Variants in RGS2 observed in about 807,000 individuals in gnomAD.
RGS2 encodes G0 to G1 switch regulatory 8, 24kD.
In RGS2, 20 loss-of-function variants were observed where a neutral mutation model predicts 26.6. The ratio of observed to expected loss-of-function variants is 0.75; its 90% CI spans 0.53 to 1.09. The LOEUF (loss-of-function observed/expected upper bound fraction) is 1.09, where lower values mean the gene tolerates loss of function less well. RGS2 is among the 50% of genes least tolerant of loss of function. RGS2 has a pLI of 0.00. For synonymous variants in RGS2, 97 were observed against 79.9 expected (o/e 1.21, Z -1.14); for missense variants, 246 against 245.5 (o/e 1.00, Z -0.01).
chr1:192,811,228 G>A lies in RGS2; in HGVS notation c.441+81G>A, dbSNP rs111983702. On this transcript the variant is annotated intron_variant, in intron 4 of 4. Transcript: ENST00000235382. ...GAAACAAAGTAATCAAGGACAAAGC[G>A]GGCTAGGAGGGGTAAAAAGTCCCTC... 6 of 1,519,858 alleles carry A rather than the reference G, an allele frequency of 3.9e-6. No individual in the cohort carries two copies. In the African/African-American group the frequency reaches 4.1e-5, roughly 10 times the overall value. 94.1% of individuals were successfully genotyped at this position (1,519,858 alleles called of 1,614,324 possible).
chr1:192,811,676 GACCTTGAATTC>G lies in RGS2; in HGVS notation c.*82_*92del, dbSNP rs1665595260. On this transcript the variant is annotated 3_prime_UTR_variant, in exon 5 of 5. Coordinates refer to ENST00000235382, the MANE Select transcript of RGS2 (RefSeq NM_002923.4). ...AGGACTGTGACCTGCCATAAAGACT[GACCTTGAATTC>G]AGCCTGGGTGTTCAGGAAACATCAC... 7.4e-7 allele frequency: 1 copy of G among 1,346,324 alleles called. No homozygotes were observed. The highest frequency in any genetic ancestry group is 1.4e-5 in the African/African-American group (1 of 69,464). The allele number at this position is 1,346,324 out of a possible 1,614,324, so 83.4% of individuals were successfully genotyped here.
In RGS2 at chr1:192,811,949, G is replaced by A. The variant is rs187487338; in HGVS notation, c.*353G>A. The A allele has an allele frequency of 1.2e-4, 38 of 328,792 alleles. 1 individual carries two copies. The East Asian group carries it at 2.6e-3, about 22-fold the overall frequency. 20.4% of individuals were successfully genotyped at this position (328,792 alleles called of 1,614,324 possible). On this transcript the variant is annotated 3_prime_UTR_variant, in exon 5 of 5. Transcript: ENST00000235382. ...ATCTGGGATTATGTGGCCTTAGGTA[G>A]CTGGTTGTACATCTTTCCCTAAATC...
At chr1:192,809,703 C>T (rs1665554522) in intron 1 of RGS2, among the ~76,000 whole-genome samples, 1 of 151,930 alleles carries the variant, frequency 6.6e-6, no homozygotes, top group Non-Finnish European at 1.5e-5. Flanking sequence ...AATCAGTCAC[C>T]CACCTCTTTG....
chr1:192,809,296 G>A, intron 1 of RGS2, 115 bp downstream of exon 1: 1 of 789,392 alleles, frequency 1.3e-6, no homozygotes. Flanking sequence ...CCTATGCAGG[G>A]AAAAAAAATC....
intron 1 of RGS2, chr1:192,809,630 A>G (rs966880563): frequency 2.7e-5 from 8 of 294,362 alleles, no homozygotes; most frequent in Admixed American, 9.5e-5. Flanking sequence ...TGTGGAACAA[A>G]TAATTGTTAT....
chr1:192,811,918 C>A lies in RGS2; in HGVS notation c.*322C>A. 1 of 373,076 alleles carries A rather than the reference C, an allele frequency of 2.7e-6. No individual in the cohort carries two copies. Among genetic ancestry groups the A allele is most frequent in the Non-Finnish European group, 5.1e-6 (1 of 196,046 alleles). The allele number at this position is 373,076 out of a possible 1,614,324, so 23.1% of individuals were successfully genotyped here. A position where few individuals can be genotyped will look rare whatever the true frequency, so the allele number is the denominator to read the frequency against. On this transcript the variant is annotated 3_prime_UTR_variant, in exon 5 of 5. Coordinates refer to ENST00000235382, the MANE Select transcript of RGS2 (RefSeq NM_002923.4). ...CTGTTGGTCCAAAAGCATTTAAAAT[C>A]AATAGATCTGGGATTATGTGGCCTT...
chr1:192,809,329 A>C (rs1665549186), intron 1 of RGS2, 148 bp downstream of exon 1: 1 of 699,790 alleles, frequency 1.4e-6, no homozygotes, highest in Non-Finnish European at 2.7e-6. Context: ...TTGTTAAGTA[A>C]GGTTAAATCT....
rs752316198 is a variant in RGS2 at position 192,810,353 on chromosome 1, C to T, written c.213-17C>T. On this transcript the variant is annotated splice_polypyrimidine_tract_variant and intron_variant, in intron 2 of 4. Transcript: ENST00000235382. ...ACTCTGATGTGCGTAAGCTAACATA[C>T]AGAACCTCTCTTGCAGGCCTTCTCC... 2 of 1,613,702 alleles carry T rather than the reference C, an allele frequency of 1.2e-6. No individual in the cohort carries two copies. Among genetic ancestry groups the T allele is most frequent in the Non-Finnish European group, 1.7e-6 (2 of 1,179,652 alleles).
At chr1:192,810,692 C>T in intron 3 of RGS2, 1 of 611,694 alleles carries the variant, frequency 1.6e-6, no homozygotes, top group Non-Finnish European at 2.9e-6. Flanking sequence ...CCATTGCATA[C>T]AATGTTTTCA....
Position 192,811,427 on chromosome 1 carries a change from C to G in RGS2, c.467C>G (p.Thr156Ser), listed in dbSNP as rs1217662306. Reference protein sequence around the residue: ...KEINIDFQTKTLIAQNIQEAT... With the variant: ...KEINIDFQTKSLIAQNIQEAT... Reference sequence around the variant, plus strand: ...ATAAACATAGATTTTCAAACCAAAACTCTGATTGCCCAGAATATACAAGAA... The same window carrying G: ...ATAAACATAGATTTTCAAACCAAAAGTCTGATTGCCCAGAATATACAAGAA... Residue 156 changes from threonine to serine, a missense_variant, in exon 5 of 5, where the codon ACT (threonine) becomes AGT (serine). Thr to Ser is a moderately conservative substitution (Grantham distance 58, BLOSUM62 1). Transcript: ENST00000235382. 1 of 1,613,404 alleles carries G rather than the reference C, an allele frequency of 6.2e-7. No homozygotes were observed. Among genetic ancestry groups the G allele is most frequent in the South Asian group, 1.1e-5 (1 of 90,904 alleles).
Position 192,809,064 on chromosome 1 carries a change from G to T in RGS2, c.-8G>T. ...GCAAACAGCCGGGGCTCCAGCGGGA[G>T]AACGATAATGCAAAGTGCTATGTTC... On this transcript the variant is annotated 5_prime_UTR_variant, in exon 1 of 5. Transcript: ENST00000235382. 2 of 1,605,968 alleles carry T rather than the reference G, an allele frequency of 1.2e-6. No homozygotes were observed. Among genetic ancestry groups the T allele is most frequent in the Non-Finnish European group, 1.7e-6 (2 of 1,172,596 alleles).
intron 3 of RGS2, chr1:192,810,649 C>A: frequency 1.6e-6 from 1 of 631,572 alleles, no homozygotes; most frequent in Non-Finnish European, 2.8e-6. Context: ...ATTAAAGTGG[C>A]AGTTGCTTAT....
Position 192,811,035 on chromosome 1 carries a change from T to C in RGS2, c.329T>C (p.Ile110Thr), listed in dbSNP as rs1432274142. The C allele has an allele frequency of 3.1e-6, 5 of 1,614,040 alleles. No homozygotes were observed. The highest frequency in any genetic ancestry group is 1.6e-4 in the Middle Eastern group (1 of 6,084). The change falls in exon 4 of 5, where the codon ATT (isoleucine) becomes ACT (threonine). Residue 110 changes from isoleucine to threonine, a missense_variant. Physicochemically the swap from Ile to Thr is moderately conservative, Grantham distance 89. Transcript: ENST00000235382. ...AAGTCGGAATTCTGTGAAGAAAATA[T>C]TGAATTCTGGCTGGCCTGTGAAGAC... ...FLKSEFCEENIEFWLACEDFK... is the reference protein window; with the variant it reads ...FLKSEFCEENTEFWLACEDFK...
At chr1:192,810,880 AT>A in intron 3 of RGS2, 100 bp from the exon 4 acceptor site, 1 of 1,314,758 alleles carries the variant, frequency 7.6e-7, no homozygotes, top group African/African-American at 1.5e-5. Flanking sequence ...TAGAAAATTC[AT>A]TTAGAAATAA....
At position 192,810,158 on chromosome 1, in the gene RGS2, T is replaced by C. The variant is rs1665561063; in HGVS notation, c.111-8T>C. The C allele has an allele frequency of 6.5e-7, 1 of 1,537,370 alleles. No individual in the cohort carries two copies. Among genetic ancestry groups the C allele is most frequent in the African/African-American group, 1.4e-5 (1 of 73,484 alleles). ...GTTAGTAATTATCTTTTTAATTTTT[T>C]GTTTTAGTTTAAAAGATTGGAAGAC... On this transcript the variant is annotated splice_polypyrimidine_tract_variant and splice_region_variant and intron_variant, in intron 1 of 4. Coordinates refer to ENST00000235382, the MANE Select transcript of RGS2 (RefSeq NM_002923.4).
intron 3 of RGS2, 42 bp downstream of exon 3, chr1:192,810,473 A>C: frequency 2.5e-6 from 4 of 1,585,196 alleles, no homozygotes; most frequent in Non-Finnish European, 3.5e-6. Flanking sequence ...AACATCGCAA[A>C]AGCCTGGAAA....
chr1:192,809,228 G>A (rs755650674), intron 1 of RGS2, 47 bp downstream of exon 1: 2 of 1,327,918 alleles, frequency 1.5e-6, no homozygotes, highest in Non-Finnish European at 2.2e-6. Context: ...GCCCCACACT[G>A]CAAGCTGCAA....
At chr1:192,811,306 G>A in intron 4 of RGS2, 96 bp from the exon 5 acceptor site, 1 of 1,299,312 alleles carries the variant, frequency 7.7e-7, no homozygotes. Context: ...AGCTAGTAAA[G>A]CTAATCACAC....
intron 2 of RGS2, 21 bp from the exon 3 acceptor site, chr1:192,810,349 C>T: frequency 6.2e-7 from 1 of 1,613,054 alleles, no homozygotes; most frequent in Non-Finnish European, 8.5e-7. Context: ...CGTAAGCTAA[C>T]ATACAGAACC....
Sources: gnomAD v4.1 joint callset for allele counts (sites outside exome capture counted in the v4.1 genomes callset) on GRCh38, gnomAD v4.1.1 for gene constraint, MANE v1.5 for transcripts, NCBI Gene and HGNC (gene_info 2026-07-23, HGNC 2026-07-21) for gene names.